Variants in RBBP8NL observed in about 807,000 individuals in gnomAD.
The protein encoded by RBBP8NL is RBBP8 N-terminal like.
RBBP8NL carries 59 observed loss-of-function variants against 62.2 expected under a neutral mutation model. That is an observed-to-expected ratio of 0.95 (90% CI 0.77 to 1.18). The LOEUF is 1.18. Among genes scored for constraint, RBBP8NL ranks in the 50% most tolerant of loss-of-function variants. The probability of loss-of-function intolerance (pLI) is 0.00; values close to 1 mark genes in which losing one functional copy is unlikely to be tolerated. For missense variants in RBBP8NL, 896 were observed against 899.5 expected (o/e 1.00, Z 0.05); for synonymous variants, 412 against 394.1 (o/e 1.05, Z -0.54).
In RBBP8NL at chr20:62,415,893, G is replaced by A. The variant is rs1988553159; in HGVS notation, c.439C>T (p.Leu147=). The A allele has an allele frequency of 6.3e-7, 1 of 1,595,970 alleles. No homozygotes were observed. Among genetic ancestry groups the A allele is most frequent in the Admixed American group, 1.7e-5 (1 of 58,780 alleles). ...CAGCCACCAGGGGAGGGGAGCAGCAGGGGTGAGGGGGGGTCCGAGGTGCCC... is the reference window on the plus strand; with the variant it reads ...CAGCCACCAGGGGAGGGGAGCAGCAAGGGTGAGGGGGGGTCCGAGGTGCCC... ...KEGTSDPPSP[L]LLPSPGGWKA... is the part of the protein sequence containing the mutation. The change falls in exon 7 of 14, where the codon CTG becomes TTG. Residue 147 remains leucine, a synonymous_variant. Coordinates refer to ENST00000252998, the MANE Select transcript of RBBP8NL (RefSeq NM_080833.3).
Position 62,410,661 on chromosome 20 carries a change from G to C in RBBP8NL, c.*217C>G. 1 of 568,482 alleles carries C rather than the reference G, an allele frequency of 1.8e-6. No individual in the cohort carries two copies. The highest frequency in any genetic ancestry group is 2.4e-5 in the South Asian group (1 of 41,690). The allele number at this position is 568,482 out of a possible 1,614,324, so 35.2% of individuals were successfully genotyped here. On this transcript the variant is annotated 3_prime_UTR_variant, in exon 14 of 14. Coordinates refer to ENST00000252998, the MANE Select transcript of RBBP8NL (RefSeq NM_080833.3). ...AGGATGTGCCCGTCACCGGCTCTTC[G>C]GGGTTGCCTGCTGGTTGGGTGGTGT...
intron 10 of RBBP8NL, 73 bp downstream of exon 10, chr20:62,413,748 T>C: frequency 6.7e-7 from 1 of 1,502,674 alleles, no homozygotes; most frequent in Non-Finnish European, 8.9e-7. Flanking sequence ...GCCCGAGGTC[T>C]GGGGGGAGGC....
chr20:62,417,315 C>T lies in RBBP8NL; in HGVS notation c.109G>A (p.Ala37Thr), dbSNP rs113587034. The change falls in exon 4 of 14, where the codon GCC becomes ACC. Residue 37 changes from alanine to threonine, a missense_variant. Transcript: ENST00000252998. Reference protein sequence around the residue: ...LELNSERCRDAQRIEELFSKN... With the variant: ...LELNSERCRDTQRIEELFSKN... ...GAGAAGAGCTCCTCGATCCTCTGGGCGTCCCTGTGGTGGGAAACAGCTAAA... is the reference window on the plus strand; with the variant it reads ...GAGAAGAGCTCCTCGATCCTCTGGGTGTCCCTGTGGTGGGAAACAGCTAAA... 1.9e-4 allele frequency: 303 copies of T among 1,592,292 alleles called. 1 individual carries two copies. The African/African-American group carries it at 2.9e-3, about 15-fold the overall frequency.
At position 62,418,486 on chromosome 20, in the gene RBBP8NL, G is replaced by T. The variant is rs772179917; in HGVS notation, c.62-21C>A. ...CAGGCCTGGGGGAGCAAGCAGAGGG[G>T]CGGGGGGTCAGGCCCAGCTGCTGCT... On this transcript the variant is annotated intron_variant, in intron 2 of 13. Coordinates refer to ENST00000252998, the MANE Select transcript of RBBP8NL (RefSeq NM_080833.3). 71 of 1,547,168 alleles carry T rather than the reference G, an allele frequency of 4.6e-5. No homozygotes were observed. The Admixed American group carries it at 5.1e-4, about 11-fold the overall frequency.
At position 62,420,698 on chromosome 20, in the gene RBBP8NL, G is replaced by A. The variant is rs1601490124; in HGVS notation, c.-83-968C>T. ...GTACACGGAAACACACACAGCCACA[G>A]CAGCCCCCTCTGCCCGGAAGCGGCT... On this transcript the variant is annotated intron_variant, in intron 1 of 13. Transcript: ENST00000252998. Among the ~76,000 whole-genome samples the A allele has an allele frequency of 2.6e-5, 4 of 152,236 alleles. No individual in the cohort carries two copies. In the East Asian group the frequency reaches 7.7e-4, roughly 29 times the overall value.
In RBBP8NL at chr20:62,414,466, G is replaced by A. The variant is rs1371379524; in HGVS notation, c.885C>T (p.Pro295=). The A allele has an allele frequency of 1.3e-6, 2 of 1,485,320 alleles. No homozygotes were observed. Among genetic ancestry groups the A allele is most frequent in the Non-Finnish European group, 9.0e-7 (1 of 1,114,336 alleles). The allele number at this position is 1,485,320 out of a possible 1,614,324, so 92.0% of individuals were successfully genotyped here. A position where few individuals can be genotyped will look rare whatever the true frequency, so the allele number is the denominator to read the frequency against. ...KVDRLCLLNR[P]LSLHLQSPHS... ...GGGGGCTCTGAAGGTGCAGGGACAG[G>A]GGGCGGTTTAGGAGGCAGAGCCGGT... The change falls in exon 10 of 14, where the codon CCC becomes CCT. Residue 295 remains proline, a synonymous_variant. Transcript: ENST00000252998.
chr20:62,412,889 C>G lies in RBBP8NL; in HGVS notation c.1687G>C (p.Ala563Pro), dbSNP rs775857332. Residue 563 changes from alanine to proline, a missense_variant, in exon 12 of 14, where the codon GCT becomes CCT. By Grantham distance (27) the Ala-to-Pro change is conservative. Coordinates refer to ENST00000252998, the MANE Select transcript of RBBP8NL (RefSeq NM_080833.3). ...DLDGHPEPSK[A>P]EVLRPESDEL... ...TCGGACTCTGGTCTCAGCACTTCAGCCTTGCTGGGCTCTGAAGGATGCAGA... is the reference window on the plus strand; with the variant it reads ...TCGGACTCTGGTCTCAGCACTTCAGGCTTGCTGGGCTCTGAAGGATGCAGA... The G allele has an allele frequency of 1.5e-5, 24 of 1,613,176 alleles. No individual in the cohort carries two copies. The highest frequency in any genetic ancestry group is 7.6e-6 in the Non-Finnish European group (9 of 1,180,020).
chr20:62,419,494 A>T, intron 2 of RBBP8NL, 93 bp downstream of exon 2: 6 of 1,322,462 alleles, frequency 4.5e-6, no homozygotes, highest in Non-Finnish European at 4.3e-6. Context: ...TGGGAATTGG[A>T]GGTGATCATG....
At position 62,423,033 on chromosome 20, in the gene RBBP8NL, G is replaced by T. The variant is rs1988740791; in HGVS notation, c.-83-3303C>A. Among the ~76,000 whole-genome samples the T allele has an allele frequency of 2.0e-5, 3 of 152,102 alleles. No homozygotes were observed. The South Asian group carries it at 6.2e-4, about 32-fold the overall frequency. ...GAGACTTGGGGCTTTCCTGGTGGGA[G>T]GCTGGGAGGGATGTCTTTGCTGGTG... is the stretch of plus-strand genomic sequence containing the variant. On this transcript the variant is annotated intron_variant, in intron 1 of 13. Coordinates refer to ENST00000252998, the MANE Select transcript of RBBP8NL (RefSeq NM_080833.3).
rs1053471318 is a variant in RBBP8NL at position 62,412,652 on chromosome 20, C to T, written c.1848G>A (p.Arg616=). The change falls in exon 13 of 14, where the codon AGG becomes AGA. Residue 616 remains arginine (R), a synonymous_variant. Coordinates refer to ENST00000252998, the MANE Select transcript of RBBP8NL (RefSeq NM_080833.3). The stretch of plus-strand genomic sequence containing the variant: ...TGTCCCCAGGCTCCGAGGCCCGCTT[C>T]CTCTTCCGTGGTGGACCCTGCCCGT... The part of the protein sequence containing the change: ...QEHGQGPPRK[R]KRASEPGDKA... 3 of 1,606,974 alleles carry T rather than the reference C, an allele frequency of 1.9e-6. No homozygotes were observed. The highest frequency in any genetic ancestry group is 1.3e-5 in the African/African-American group (1 of 74,932).
chr20:62,416,524 C>T (rs1216464652), intron 5 of RBBP8NL, among the ~76,000 whole-genome samples: 2 of 152,208 alleles, frequency 1.3e-5, no homozygotes, highest in African/African-American at 4.8e-5. Context: ...AGGCCGCGCC[C>T]AGTGGGGGCC....
In RBBP8NL at chr20:62,412,711, C is replaced by T. The variant is rs374830561; in HGVS notation, c.1789G>A (p.Gly597Arg). 1.3e-4 allele frequency: 212 copies of T among 1,610,596 alleles called. No individual in the cohort carries two copies. The highest frequency in any genetic ancestry group is 1.7e-4 in the Non-Finnish European group (203 of 1,179,950). The change falls in exon 13 of 14, where the codon GGG becomes AGG. Residue 597 changes from glycine to arginine, a missense_variant. Gly to Arg is a moderately radical substitution (Grantham distance 125, BLOSUM62 -2). Transcript: ENST00000252998. ...GTGCAGATGCACTCAGGCCCCTCCC[C>T]GGTCGTGCTCGTAGTGGCCTCCGCC... ...SQAEATTSTT[G>R]EGPECICTQE...
At chr20:62,412,493 GT>G in intron 13 of RBBP8NL, 130 bp downstream of exon 13, 1 of 1,261,210 alleles carries the variant, frequency 7.9e-7, no homozygotes, top group Non-Finnish European at 1.1e-6. Flanking sequence ...GAGGGTTGAG[GT>G]TCATTTTTGG....
At chr20:62,414,699 C>T in intron 9 of RBBP8NL, 143 bp from the exon 10 acceptor site, 1 of 972,024 alleles carries the variant, frequency 1.0e-6, no homozygotes, top group Non-Finnish European at 1.4e-6. Context: ...TGCATGGGTC[C>T]CATGGCAGGT....
rs141965784 is a variant in RBBP8NL, at chr20:62,419,411, C to T, written c.61+176G>A. 4.4e-3 allele frequency among the ~76,000 whole-genome samples: 676 copies of T among 152,250 alleles called. 3 individuals are homozygous for T. Among genetic ancestry groups the T allele is most frequent in the Non-Finnish European group, 7.4e-3 (505 of 68,006 alleles). ...TCGGGCCCAGGCAGGGTGTCTGCCACGTTGTAGCTCTGGGCCTTGGGTCAG... is the reference window on the plus strand; with the variant it reads ...TCGGGCCCAGGCAGGGTGTCTGCCATGTTGTAGCTCTGGGCCTTGGGTCAG... On this transcript the variant is annotated intron_variant, in intron 2 of 13. Transcript: ENST00000252998.
rs1269836015 is a variant in RBBP8NL at position 62,414,357 on chromosome 20, C to G, written c.994G>C (p.Glu332Gln). 6.5e-7 allele frequency: 1 copy of G among 1,549,652 alleles called. No homozygotes were observed. Among genetic ancestry groups the G allele is most frequent in the Non-Finnish European group, 8.7e-7 (1 of 1,145,642 alleles). Reference sequence around the variant, plus strand: ...GGCAGCCCCAGCAGTTCTGTGGGCTCCTCCCAGGCCTCTGCTTCTCTGGCC... The same window carrying G: ...GGCAGCCCCAGCAGTTCTGTGGGCTGCTCCCAGGCCTCTGCTTCTCTGGCC... ...LKAREAEAWE[E>Q]PTELLGLPSA... The change falls in exon 10 of 14, where the codon GAG becomes CAG. Residue 332 changes from glutamate (E) to glutamine (Q), a missense_variant. Glu to Gln is a conservative substitution (Grantham distance 29). Coordinates refer to ENST00000252998, the MANE Select transcript of RBBP8NL (RefSeq NM_080833.3).
At chr20:62,417,664 C>CCG (rs1988606094) in intron 3 of RBBP8NL, among the ~76,000 whole-genome samples, 4 of 94,244 alleles carry the variant, frequency 4.2e-5, no homozygotes, top group East Asian at 3.0e-4. Context: ...CGTCCACGCA[C>CCG]CCCCCCCAGT....
chr20:62,425,070 G>A (rs552154440), intron 1 of RBBP8NL, among the ~76,000 whole-genome samples: 1 of 152,206 alleles, frequency 6.6e-6, no homozygotes. Context: ...CTCTGAGCCT[G>A]TTTCCTCACC....
intron 5 of RBBP8NL, 31 bp from the exon 6 acceptor site, chr20:62,416,267 A>C: frequency 1.1e-5 from 2 of 183,036 alleles, no homozygotes; most frequent in Non-Finnish European, 2.0e-5. Context: ...CAAAGCAGCC[A>C]GGGGTTGGGG....
Sources: allele counts gnomAD v4.1 joint callset (sites outside exome capture counted in the v4.1 genomes callset), GRCh38; gene constraint gnomAD v4.1.1; transcripts MANE v1.5; gene names NCBI Gene and HGNC (gene_info 2026-07-23, HGNC 2026-07-21).